Variants in FREM1 observed in about 807,000 individuals in gnomAD.
The protein encoded by FREM1 is FRAS1-related extracellular matrix protein 1.
FREM1 carries 220 observed loss-of-function variants against 210.1 expected under a neutral mutation model. The observed-to-expected ratio is 1.05, with a 90% CI of 0.94 to 1.17. FREM1 has a LOEUF of 1.17. Ranked by LOEUF, FREM1 falls within the 50% of genes most tolerant of loss-of-function variation. FREM1 has a pLI of 0.00. For missense variants in FREM1, 3,454 were observed against 2,675.5 expected (o/e 1.29, Z -6.42); for synonymous variants, 1,189 against 980.2 (o/e 1.21, Z -3.98).
Position 14,857,672 on chromosome 9 carries a change from A to G in FREM1, c.709T>C (p.Cys237Arg), listed in dbSNP as rs1221068415. The stretch of plus-strand genomic sequence containing the variant: ...AGGCCCATCAGCAGGAACTCCTCAC[A>G]GCTCACTTTGAGGCTTCCTATTTTC... Reference protein sequence around the residue: ...LKKIGSLKVSCEEFLLMGLRY... With the variant: ...LKKIGSLKVSREEFLLMGLRY... Residue 237 changes from cysteine to arginine, a missense_variant, in exon 5 of 37, where the codon TGT (cysteine) becomes CGT (arginine). By Grantham distance (180) the Cys-to-Arg change is radical. Transcript: ENST00000380880. 6.2e-7 allele frequency: 1 copy of G among 1,613,900 alleles called. No homozygotes were observed.
At chr9:14,871,060 G>C (rs1304059383) in intron 1 of FREM1, among the ~76,000 whole-genome samples, 1 of 152,052 alleles carries the variant, frequency 6.6e-6, no homozygotes, top group Non-Finnish European at 1.5e-5. Context: ...ATCATGGCTG[G>C]ACATTTGGGT....
In FREM1 at chr9:14,761,310, G is replaced by T. The variant is rs962045070; in HGVS notation, c.5205-1409C>A. 3.9e-5 allele frequency among the ~76,000 whole-genome samples: 6 copies of T among 152,282 alleles called. No individual in the cohort carries two copies. The South Asian group carries it at 1.2e-3, about 32-fold the overall frequency. On this transcript the variant is annotated intron_variant, in intron 27 of 36. Coordinates refer to ENST00000380880, the MANE Select transcript of FREM1 (RefSeq NM_001379081.2). ...CTGAGCATCATGGGCTAGGGGGCAAGGGTAGGGTAAGAGCATGGAATTATT... is the reference window on the plus strand; with the variant it reads ...CTGAGCATCATGGGCTAGGGGGCAATGGTAGGGTAAGAGCATGGAATTATT...
intron 1 of FREM1, among the ~76,000 whole-genome samples, chr9:14,906,798 T>G (rs1409814818): frequency 6.6e-6 from 1 of 152,152 alleles, no homozygotes; most frequent in Non-Finnish European, 1.5e-5. Flanking sequence ...TGATAATGTT[T>G]GATAGAAAGC....
intron 1 of FREM1, among the ~76,000 whole-genome samples, chr9:14,876,773 C>T (rs1833836005): frequency 6.6e-6 from 1 of 152,182 alleles, no homozygotes; most frequent in South Asian, 2.1e-4. Context: ...TTCTGCATCG[C>T]TCACGCTAGG....
intron 5 of FREM1, 54 bp downstream of exon 5, chr9:14,857,499 C>A (rs772730880): frequency 1.4e-6 from 2 of 1,445,000 alleles, no homozygotes; most frequent in African/African-American, 2.8e-5. Context: ...GCCTGTGTAA[C>A]TGGCTCTCTT....
At chr9:14,892,366 T>G (rs986667249) in intron 1 of FREM1, among the ~76,000 whole-genome samples, 14 of 152,092 alleles carry the variant, frequency 9.2e-5, no homozygotes, top group Non-Finnish European at 2.1e-4. Context: ...GGGATTGGGT[T>G]AGAAGCCCAA....
intron 1 of FREM1, among the ~76,000 whole-genome samples, chr9:14,890,270 T>C (rs1996893): frequency 0.63 from 95,973 of 152,178 alleles, 32,589 homozygotes; most frequent in East Asian, 0.89. Context: ...ACAACACAAA[T>C]TCATTAGGTT....
At chr9:14,837,877 CAG>C (rs1405527900) in intron 10 of FREM1, among the ~76,000 whole-genome samples, 2 of 152,158 alleles carry the variant, frequency 1.3e-5, no homozygotes, top group Non-Finnish European at 2.9e-5. Flanking sequence ...AGGATAGAGA[CAG>C]GGAATTAATT....
chr9:14,809,266 C>T (rs1277005816), intron 16 of FREM1, among the ~76,000 whole-genome samples: 4 of 152,136 alleles, frequency 2.6e-5, no homozygotes, highest in Non-Finnish European at 5.9e-5. Context: ...ACTGTAAGTC[C>T]ATTAAACCTC....
chr9:14,806,667 T>C lies in FREM1; in HGVS notation c.3268A>G (p.Ser1090Gly). 6.3e-7 allele frequency: 1 copy of C among 1,578,706 alleles called. No individual in the cohort carries two copies. The highest frequency in any genetic ancestry group is 1.7e-4 in the Middle Eastern group (1 of 6,024). The change falls in exon 18 of 37, where the codon AGT (serine) becomes GGT (glycine). Residue 1090 changes from serine to glycine, a missense_variant. Coordinates refer to ENST00000380880, the MANE Select transcript of FREM1 (RefSeq NM_001379081.2). The stretch of plus-strand genomic sequence containing the variant: ...TGACGAAGCTACAGCTTACCTATAC[T>C]TATGCCAATATTGCTTTTTTCAAAA... Reference protein sequence around the residue: ...VGFEKSNIGISIDSFQWKDMN... With the variant: ...VGFEKSNIGIGIDSFQWKDMN...
In FREM1 at chr9:14,842,418, G is replaced by C; in HGVS notation, c.1636C>G (p.Arg546Gly). ...QTILIQGSML[R>G]ASDVDASDDY... ...TCACTGGCGTCCACATCTGAAGCTCGCAGCATGGATCCCTGGATCAGGATG... is the reference window on the plus strand; with the variant it reads ...TCACTGGCGTCCACATCTGAAGCTCCCAGCATGGATCCCTGGATCAGGATG... The change falls in exon 9 of 37, where the codon CGA becomes GGA. Residue 546 changes from arginine to glycine, a missense_variant. Transcript: ENST00000380880. 1 of 1,613,882 alleles carries C rather than the reference G, an allele frequency of 6.2e-7. No individual in the cohort carries two copies. Among genetic ancestry groups the C allele is most frequent in the Non-Finnish European group, 8.5e-7 (1 of 1,179,788 alleles).
chr9:14,792,002 A>C (rs1851439304), intron 22 of FREM1, among the ~76,000 whole-genome samples: 2 of 151,942 alleles, frequency 1.3e-5, no homozygotes, highest in South Asian at 4.2e-4. Context: ...GTGCTGCCAC[A>C]CCCGGCTAAT....
At chr9:14,767,219 C>T (rs891923936) in intron 27 of FREM1, among the ~76,000 whole-genome samples, 1 of 152,078 alleles carries the variant, frequency 6.6e-6, no homozygotes, top group African/African-American at 2.4e-5. Flanking sequence ...ATACGAAGTG[C>T]ACACTAATAT....
Position 14,746,452 on chromosome 9 carries a change from G to C in FREM1, c.6155C>G (p.Ser2052Cys). The C allele has an allele frequency of 6.2e-7, 1 of 1,613,488 alleles. No individual in the cohort carries two copies. The highest frequency in any genetic ancestry group is 1.1e-5 in the South Asian group (1 of 91,060). ...GTGCTGGTGCCACCCGGCTGGACAGGATTTGTCTTCCACATCCTGAAAAAC... is the reference window on the plus strand; with the variant it reads ...GTGCTGGTGCCACCCGGCTGGACAGCATTTGTCTTCCACATCCTGAAAAAC... The part of the protein sequence containing the change: ...SPQTKDVEDK[S>C]CPAGWHQHSG... The change falls in exon 35 of 37, where the codon TCC becomes TGC. Residue 2052 changes from serine to cysteine, a missense_variant. Physicochemically the swap from Ser to Cys is moderately radical, Grantham distance 112. Coordinates refer to ENST00000380880, the MANE Select transcript of FREM1 (RefSeq NM_001379081.2).
At chr9:14,762,816 C>T (rs1845746673) in intron 27 of FREM1, among the ~76,000 whole-genome samples, 1 of 145,186 alleles carries the variant, frequency 6.9e-6, no homozygotes. Flanking sequence ...TACGCAGAGA[C>T]TGTGATTGCT....
intron 1 of FREM1, among the ~76,000 whole-genome samples, chr9:14,903,006 G>T (rs1415017610): frequency 6.6e-6 from 1 of 152,176 alleles, no homozygotes; most frequent in Admixed American, 6.5e-5. Flanking sequence ...GTAATCAAAT[G>T]GCCATTTAAC....
intron 35 of FREM1, 141 bp downstream of exon 35, chr9:14,746,212 C>A (rs1842395047): frequency 1.7e-6 from 1 of 599,006 alleles, no homozygotes; most frequent in Admixed American, 3.0e-5. Context: ...AGGGAACTCC[C>A]TCAGGGCTCC....
intron 17 of FREM1, among the ~76,000 whole-genome samples, chr9:14,807,696 C>T (rs2133437594): frequency 6.6e-6 from 1 of 152,118 alleles, no homozygotes; most frequent in East Asian, 1.9e-4. Context: ...CACACACACA[C>T]ACCCCAACAC....
At chr9:14,894,590 T>C (rs538828815) in intron 1 of FREM1, among the ~76,000 whole-genome samples, 47 of 152,382 alleles carry the variant, frequency 3.1e-4, no homozygotes, top group Admixed American at 1.3e-3. Context: ...ACTGAACTAA[T>C]AGAAGACTGA....
Sources: gnomAD v4.1 joint callset for allele counts (sites outside exome capture counted in the v4.1 genomes callset) on GRCh38, gnomAD v4.1.1 for gene constraint, MANE v1.5 for transcripts, NCBI Gene and HGNC (gene_info 2026-07-23, HGNC 2026-07-21) for gene names.